Variants in AKT3 observed in about 807,000 individuals in gnomAD.
The protein encoded by AKT3 is AKT serine/threonine kinase 3.
AKT3 carries 15 observed loss-of-function variants against 65.3 expected under a neutral mutation model. That is an observed-to-expected ratio of 0.23 (90% CI 0.15 to 0.35). The LOEUF is 0.35. Among genes scored for constraint, AKT3 ranks in the 10% least tolerant of loss-of-function variants. The probability of loss-of-function intolerance (pLI) is 1.00; values close to 1 mark genes in which losing one functional copy is unlikely to be tolerated. For missense variants in AKT3, 243 were observed against 576.5 expected, an observed-to-expected ratio of 0.42 and a Z score of 5.92; for synonymous variants, 206 against 183.8, an observed-to-expected ratio of 1.12 and a Z score of -0.98.
In AKT3 at chr1:243,848,917, T is replaced by C. The variant is rs532217529; in HGVS notation, c.-113+1123A>G. 3.3e-5 allele frequency among the ~76,000 whole-genome samples: 5 copies of C among 152,320 alleles called. No individual in the cohort carries two copies. In the East Asian group the frequency reaches 9.6e-4, roughly 29 times the overall value. ...GTTTTATTTTCATAACAACATTATT[T>C]TGATGGAAGAAATGTGAGCATCCCA... On this transcript the variant is annotated intron_variant, in intron 1 of 13. Transcript: ENST00000673466.
chr1:243,807,813 C>G (rs184451999), intron 2 of AKT3, among the ~76,000 whole-genome samples: 6 of 152,222 alleles, frequency 3.9e-5, no homozygotes, highest in Admixed American at 2.6e-4. Context: ...CTCACACGGC[C>G]GGGCACCCCT....
rs577597389 is a variant in AKT3 at position 243,786,688 on chromosome 1, G to A, written c.46+56437C>T. On this transcript the variant is annotated intron_variant, in intron 2 of 13. Coordinates refer to ENST00000673466, the MANE Select transcript of AKT3 (RefSeq NM_005465.7). ...TTGAAGTTATTAAAAGCACGGGGTG[G>A]GGGGGTGCGCGGTGGAGATGGTAAA... 3.9e-5 allele frequency among the ~76,000 whole-genome samples: 6 copies of A among 152,180 alleles called. No homozygotes were observed. The East Asian group carries it at 1.2e-3, about 29-fold the overall frequency.
At chr1:243,811,723 A>G (rs959915582) in intron 2 of AKT3, among the ~76,000 whole-genome samples, 4 of 152,224 alleles carry the variant, frequency 2.6e-5, no homozygotes, top group Admixed American at 1.3e-4. Flanking sequence ...AGTCAATCCT[A>G]AGCCAAAAGA....
intron 6 of AKT3, among the ~76,000 whole-genome samples, chr1:243,631,651 G>A (rs956714261): frequency 6.6e-6 from 1 of 152,184 alleles, no homozygotes; most frequent in African/African-American, 2.4e-5. Context: ...TTCCAAGAAA[G>A]GCTTTCTCTT....
intron 2 of AKT3, among the ~76,000 whole-genome samples, chr1:243,783,699 C>G (rs1433546684): frequency 6.6e-6 from 1 of 152,138 alleles, no homozygotes; most frequent in Non-Finnish European, 1.5e-5. Context: ...TCTCTATAGT[C>G]TTCTGACTGC....
At chr1:243,747,412 T>C (rs1187492549) in intron 2 of AKT3, among the ~76,000 whole-genome samples, 1 of 152,200 alleles carries the variant, frequency 6.6e-6, no homozygotes, top group Admixed American at 6.5e-5. Flanking sequence ...TTTCATGCTT[T>C]TTTTATTATA....
intron 2 of AKT3, among the ~76,000 whole-genome samples, chr1:243,772,737 C>T (rs1006560713): frequency 9.9e-5 from 15 of 152,116 alleles, no homozygotes; most frequent in Non-Finnish European, 1.5e-5. Context: ...CACATGCACA[C>T]ATATGTTTAT....
chr1:243,643,650 C>T (rs183319659), intron 5 of AKT3, among the ~76,000 whole-genome samples: 1 of 152,210 alleles, frequency 6.6e-6, no homozygotes, highest in African/African-American at 2.4e-5. Context: ...AGAGCAGACA[C>T]TGTGGCGATA....
intron 4 of AKT3, among the ~76,000 whole-genome samples, chr1:243,649,002 AT>A (rs1462657665): frequency 1.3e-5 from 2 of 151,968 alleles, no homozygotes; most frequent in African/African-American, 4.8e-5. Context: ...GATGTGAGAA[AT>A]TTCTTCTTTT....
intron 2 of AKT3, chr1:243,808,082 A>T (rs569872934): frequency 6.6e-6 from 1 of 152,376 alleles, no homozygotes; most frequent in East Asian, 1.9e-4. Context: ...AAGATAGGAA[A>T]AAAAGAGCAG....
chr1:243,762,396 A>C (rs1215950072), intron 2 of AKT3, among the ~76,000 whole-genome samples: 1 of 152,064 alleles, frequency 6.6e-6, no homozygotes, highest in Non-Finnish European at 1.5e-5. Flanking sequence ...AAGAAGAGAT[A>C]ATGTCAAAAT....
At chr1:243,510,862 C>A (rs1198991979) in intron 13 of AKT3, among the ~76,000 whole-genome samples, 1 of 152,252 alleles carries the variant, frequency 6.6e-6, no homozygotes, top group Non-Finnish European at 1.5e-5. Context: ...AAGGGCCTAG[C>A]AAAGGCTGTA....
intron 2 of AKT3, among the ~76,000 whole-genome samples, chr1:243,754,343 C>T (rs1688988369): frequency 6.6e-6 from 1 of 152,186 alleles, no homozygotes. Flanking sequence ...TGTAGAATGC[C>T]TGTATCTGCA....
intron 13 of AKT3, among the ~76,000 whole-genome samples, chr1:243,511,840 CTAAAT>C (rs1490969735): frequency 1.3e-5 from 2 of 152,114 alleles, no homozygotes; most frequent in African/African-American, 2.4e-5. Flanking sequence ...TATTAGCAAA[CTAAAT>C]TATGTCTTCA....
At chr1:243,493,178 T>C (rs1477828929) in intron 13 of AKT3, among the ~76,000 whole-genome samples, 4 of 131,742 alleles carry the variant, frequency 3.0e-5, no homozygotes, top group Non-Finnish European at 6.3e-5. Context: ...ACTCTCGCCC[T>C]CTTGAGAGGC....
At chr1:243,667,120 G>A (rs1232107198) in intron 3 of AKT3, among the ~76,000 whole-genome samples, 7 of 152,088 alleles carry the variant, frequency 4.6e-5, no homozygotes, top group East Asian at 3.9e-4. Flanking sequence ...TCAGGAGCAC[G>A]GTAAAGTAAG....
chr1:243,550,958 CAAAAAAAAAAAA>C (rs60047036), intron 11 of AKT3, among the ~76,000 whole-genome samples: 57 of 17,536 alleles, frequency 3.3e-3, no homozygotes, highest in South Asian at 0.011. Context: ...GACTCCCTCT[CAAAAAAAAAAAA>C]AAAAAAAAAA....
chr1:243,615,227 T>G, intron 6 of AKT3, 66 bp from the exon 7 acceptor site: 3 of 1,264,442 alleles, frequency 2.4e-6, no homozygotes, highest in Non-Finnish European at 2.2e-6. Context: ...ATTTCACTAT[T>G]TCTCTAAAAT....
intron 8 of AKT3, among the ~76,000 whole-genome samples, chr1:243,583,958 A>C (rs1172390143): frequency 6.6e-6 from 1 of 152,130 alleles, no homozygotes; most frequent in Non-Finnish European, 1.5e-5. Flanking sequence ...GAAGAAAAAA[A>C]AATAACTAAA....
Sources: allele counts gnomAD v4.1 joint callset (sites outside exome capture counted in the v4.1 genomes callset), GRCh38; gene constraint gnomAD v4.1.1; transcripts MANE v1.5; gene names NCBI Gene and HGNC (gene_info 2026-07-23, HGNC 2026-07-21).